The following FBN2 variants were observed in gnomAD, a reference collection of about 807,000 sequenced individuals.
The protein encoded by FBN2 is fibrillin 2, also known as fibrillin-2.
In FBN2, 105 loss-of-function variants were observed where a neutral mutation model predicts 355.6. The observed-to-expected ratio is 0.30, with a 90% CI of 0.25 to 0.35. The LOEUF (loss-of-function observed/expected upper bound fraction) is 0.35. Ranked by LOEUF, FBN2 falls within the 10% of genes least tolerant of loss-of-function variation. FBN2 has a pLI of 1.00. For synonymous variants in FBN2, 1,350 were observed against 1,301.2 expected, an observed-to-expected ratio of 1.04 and a Z score of -0.81; for missense variants, 3,280 against 3,758.7, an observed-to-expected ratio of 0.87 and a Z score of 3.33.
intron 5 of FBN2, among the ~76,000 whole-genome samples, chr5:128,489,109 T>C (rs986760849): frequency 9.5e-5 from 13 of 136,640 alleles, no homozygotes; most frequent in South Asian, 2.3e-4. Context: ...TAGTTTACAG[T>C]CCCACCAACA....
chr5:128,287,092 T>G (rs547922012), intron 54 of FBN2, among the ~76,000 whole-genome samples: 28 of 152,274 alleles, frequency 1.8e-4, no homozygotes, highest in African/African-American at 6.5e-4. Flanking sequence ...AGTGTGAGAA[T>G]AGTGGGCTTC....
chr5:128,448,252 T>C (rs1411664802), intron 6 of FBN2, among the ~76,000 whole-genome samples: 1 of 151,906 alleles, frequency 6.6e-6, no homozygotes, highest in Non-Finnish European at 1.5e-5. Flanking sequence ...TGAAGACTCC[T>C]GCATTTCTTC....
At chr5:128,465,873 T>C (rs1249854651) in intron 5 of FBN2, among the ~76,000 whole-genome samples, 1 of 152,140 alleles carries the variant, frequency 6.6e-6, no homozygotes, top group African/African-American at 2.4e-5. Flanking sequence ...CGGGTAGAAA[T>C]GCAGACTCAA....
chr5:128,443,792 T>C (rs894826165), intron 7 of FBN2, among the ~76,000 whole-genome samples: 3 of 152,220 alleles, frequency 2.0e-5, no homozygotes, highest in Non-Finnish European at 4.4e-5. Context: ...AATAGTACTA[T>C]GTTTTATATT....
At chr5:128,512,896 G>A (rs1175859590) in intron 5 of FBN2, among the ~76,000 whole-genome samples, 1 of 152,014 alleles carries the variant, frequency 6.6e-6, no homozygotes, top group Non-Finnish European at 1.5e-5. Context: ...TTGGATGCCA[G>A]GCATTATATC....
chr5:128,343,554 C>T (rs1311959498), intron 25 of FBN2, among the ~76,000 whole-genome samples: 1 of 152,092 alleles, frequency 6.6e-6, no homozygotes, highest in Non-Finnish European at 1.5e-5. Flanking sequence ...GTGCTGAGAA[C>T]GAGATCCTGA....
chr5:128,277,002 C>T (rs1581181865), intron 58 of FBN2, among the ~76,000 whole-genome samples: 3 of 152,162 alleles, frequency 2.0e-5, no homozygotes, highest in African/African-American at 4.8e-5. Context: ...TCCATTTCCT[C>T]CATATAACAT....
intron 18 of FBN2, among the ~76,000 whole-genome samples, chr5:128,363,868 A>G (rs527943044): frequency 6.6e-6 from 1 of 152,234 alleles, no homozygotes; most frequent in Non-Finnish European, 1.5e-5. Flanking sequence ...AATCAAACGA[A>G]TATGTTCAAT....
At chr5:128,334,954 T>C (rs1750796301) in intron 30 of FBN2, 110 bp from the exon 31 acceptor site, 1 of 1,200,112 alleles carries the variant, frequency 8.3e-7, no homozygotes, top group African/African-American at 1.5e-5. Context: ...ATCTAAAATA[T>C]AATCCATCCG....
chr5:128,530,083 A>G (rs1756662916), intron 3 of FBN2, among the ~76,000 whole-genome samples: 1 of 152,210 alleles, frequency 6.6e-6, no homozygotes, highest in South Asian at 2.1e-4. Flanking sequence ...TATCTTAAAT[A>G]CTAGCCTCAA....
intron 48 of FBN2, among the ~76,000 whole-genome samples, chr5:128,298,910 G>A (rs552999278): frequency 2.2e-4 from 34 of 152,262 alleles, no homozygotes; most frequent in African/African-American, 6.3e-4. Context: ...GAGGAGAGGC[G>A]CTCTGCTTTT....
Position 128,259,331 on chromosome 5 carries a change from G to A in FBN2, c.*124C>T, listed in dbSNP as rs1764897778. ...GTGAGGGTCAACATTCAAAGTCTAA[G>A]ACAGGGAGGAAAGAAACAAGAGTTA... On this transcript the variant is annotated 3_prime_UTR_variant, in exon 65 of 65. Coordinates refer to ENST00000262464, the MANE Select transcript of FBN2 (RefSeq NM_001999.4). 2 of 1,260,074 alleles carry A rather than the reference G, an allele frequency of 1.6e-6. No homozygotes were observed. The highest frequency in any genetic ancestry group is 2.3e-6 in the Non-Finnish European group (2 of 863,486). 78.1% of individuals were successfully genotyped at this position (1,260,074 alleles called of 1,614,324 possible). A position where few individuals can be genotyped will look rare whatever the true frequency, so the allele number is the denominator to read the frequency against.
chr5:128,319,044 T>C (rs765588635), intron 34 of FBN2, 43 bp from the exon 35 acceptor site: 1 of 1,482,700 alleles, frequency 6.7e-7, no homozygotes, highest in Non-Finnish European at 9.4e-7. Flanking sequence ...TAAGAAGACA[T>C]TTTAAAATTT....
chr5:128,433,181 G>T (rs577106194), intron 7 of FBN2, among the ~76,000 whole-genome samples: 39 of 152,236 alleles, frequency 2.6e-4, no homozygotes, highest in African/African-American at 9.4e-4. Flanking sequence ...CCAATTTAAA[G>T]AAATGAAACT....
At position 128,408,664 on chromosome 5, in the gene FBN2, C is replaced by T. The variant is rs368112779; in HGVS notation, c.1078+10G>A. 5.6e-6 allele frequency: 9 copies of T among 1,613,720 alleles called. No individual in the cohort carries two copies. The highest frequency in any genetic ancestry group is 2.7e-5 in the African/African-American group (2 of 74,892). Reference sequence around the variant, plus strand: ...CCCAGTGTATTGAGCCTTCAAAATGCGAGGCTTACCGATGCATCGAGAGCC... The same window carrying T: ...CCCAGTGTATTGAGCCTTCAAAATGTGAGGCTTACCGATGCATCGAGAGCC... On this transcript the variant is annotated intron_variant, in intron 8 of 64. Transcript: ENST00000262464.
At chr5:128,337,469 G>T (rs1239461160) in intron 27 of FBN2, among the ~76,000 whole-genome samples, 1 of 152,188 alleles carries the variant, frequency 6.6e-6, no homozygotes, top group African/African-American at 2.4e-5. Context: ...AAAAGCAATA[G>T]GTTGCAACGC....
chr5:128,521,250 G>T (rs544484640), intron 4 of FBN2, among the ~76,000 whole-genome samples: 59 of 152,234 alleles, frequency 3.9e-4, no homozygotes, highest in African/African-American at 1.4e-3. Flanking sequence ...ATTATCCTCA[G>T]CAAACTAACA....
At chr5:128,332,762 G>C in intron 32 of FBN2, 150 bp downstream of exon 32, 1 of 789,192 alleles carries the variant, frequency 1.3e-6, no homozygotes, top group Non-Finnish European at 2.2e-6. Context: ...TAAGGGTAAA[G>C]GACACCCTTA....
chr5:128,528,109 A>G lies in FBN2; in HGVS notation c.437-142T>C, dbSNP rs147051376. 4 of 671,422 alleles carry G rather than the reference A, an allele frequency of 6.0e-6. No homozygotes were observed. In the African/African-American group the frequency reaches 7.2e-5, roughly 12 times the overall value. The allele number at this position is 671,422 out of a possible 1,614,324, so 41.6% of individuals were successfully genotyped here. A position where few individuals can be genotyped will look rare whatever the true frequency, so the allele number is the denominator to read the frequency against. On this transcript the variant is annotated intron_variant, in intron 3 of 64. Coordinates refer to ENST00000262464, the MANE Select transcript of FBN2 (RefSeq NM_001999.4). ...GAAGGAAATACTATGACCCAAACATATTTTTATTCATCATTTCTTTATAAG... is the reference window on the plus strand; with the variant it reads ...GAAGGAAATACTATGACCCAAACATGTTTTTATTCATCATTTCTTTATAAG...
Sources: gnomAD v4.1 joint callset for allele counts (sites outside exome capture counted in the v4.1 genomes callset) on GRCh38, gnomAD v4.1.1 for gene constraint, MANE v1.5 for transcripts, NCBI Gene and HGNC (gene_info 2026-07-23, HGNC 2026-07-21) for gene names.